Variants in ULK2 observed in about 807,000 individuals in gnomAD.
ULK2 encodes serine/threonine-protein kinase ULK2.
ULK2 carries 76 observed loss-of-function variants against 127.5 expected under a neutral mutation model. That is an observed-to-expected ratio of 0.60 (90% CI 0.50 to 0.72). ULK2 has a LOEUF of 0.72. Ranked by LOEUF, ULK2 falls within the 30% of genes least tolerant of loss-of-function variation. The pLI is 0.00. For synonymous variants in ULK2, 452 were observed against 461.9 expected, an observed-to-expected ratio of 0.98 and a Z score of 0.28; for missense variants, 1,144 against 1,295.9, an observed-to-expected ratio of 0.88 and a Z score of 1.80.
chr17:19,867,686 T>A lies in ULK2; in HGVS notation c.-269A>T, dbSNP rs1489317202. ...CCGCTGGCTGTCTGGCGAAGCGGCC[T>A]CGGCGCTGCCGGGCCAGGGGTGCCG... On this transcript the variant is annotated 5_prime_UTR_variant, in exon 1 of 27. Transcript: ENST00000395544. 4.8e-6 allele frequency: 1 copy of A among 208,356 alleles called. No homozygotes were observed. Among genetic ancestry groups the A allele is most frequent in the African/African-American group, 2.3e-5 (1 of 42,832 alleles). The allele number at this position is 208,356 out of a possible 1,614,324, so 12.9% of individuals were successfully genotyped here. A position where few individuals can be genotyped will look rare whatever the true frequency, so the allele number is the denominator to read the frequency against.
rs1404951676 is a variant in ULK2 at position 19,776,136 on chromosome 17, A to C, written c.*213T>G. The C allele has an allele frequency of 2.0e-6, 1 of 506,662 alleles. No individual in the cohort carries two copies. Among genetic ancestry groups the C allele is most frequent in the African/African-American group, 2.0e-5 (1 of 49,706 alleles). The allele number at this position is 506,662 out of a possible 1,614,324, so 31.4% of individuals were successfully genotyped here. On this transcript the variant is annotated 3_prime_UTR_variant, in exon 27 of 27. Transcript: ENST00000395544. ...ACTCTTGCTCCTGCTTCTACAAAGA[A>C]AAAGGGAAAGGGTGATTTTCTCCAA...
intron 3 of ULK2, among the ~76,000 whole-genome samples, chr17:19,850,012 G>A (rs1049083313): frequency 3.9e-5 from 6 of 152,238 alleles, no homozygotes; most frequent in African/African-American, 1.4e-4. Context: ...TTTGTTTACA[G>A]AAATAACTAG....
intron 15 of ULK2, 90 bp downstream of exon 15, chr17:19,804,603 G>A (rs2087473072): frequency 1.4e-6 from 2 of 1,404,862 alleles, no homozygotes; most frequent in Non-Finnish European, 1.9e-6. Context: ...AAGACACTAT[G>A]CCACAGAAAG....
chr17:19,851,538 G>T (rs1490936189), intron 3 of ULK2, among the ~76,000 whole-genome samples: 1 of 151,564 alleles, frequency 6.6e-6, no homozygotes, highest in Non-Finnish European at 1.5e-5. Flanking sequence ...TACTCCAAAG[G>T]CTGAGGCATG....
At chr17:19,850,387 A>C (rs1420351770) in intron 3 of ULK2, among the ~76,000 whole-genome samples, 5 of 152,202 alleles carry the variant, frequency 3.3e-5, no homozygotes, top group Non-Finnish European at 5.9e-5. Flanking sequence ...AGTCTCTCAA[A>C]TCCATATAGC....
chr17:19,813,980 T>C (rs554816209), intron 13 of ULK2, among the ~76,000 whole-genome samples: 2 of 152,208 alleles, frequency 1.3e-5, no homozygotes, highest in African/African-American at 4.8e-5. Context: ...GGGCCAAGAA[T>C]AGCCAGAGTG....
intron 13 of ULK2, among the ~76,000 whole-genome samples, chr17:19,814,621 TG>T (rs1463499933): frequency 6.6e-6 from 1 of 151,562 alleles, no homozygotes; most frequent in Non-Finnish European, 1.5e-5. Flanking sequence ...CATGATGCCC[TG>T]GCTGGTCTTG....
At chr17:19,849,700 G>T (rs753816860) in intron 4 of ULK2, 42 bp downstream of exon 4, 739 of 1,011,450 alleles carry the variant, frequency 7.3e-4, no homozygotes, top group Non-Finnish European at 9.1e-4. Context: ...AAAAAAAAAA[G>T]AAATTTGAAA....
At chr17:19,784,729 T>C (rs1183661348) in intron 21 of ULK2, among the ~76,000 whole-genome samples, 2 of 151,972 alleles carry the variant, frequency 1.3e-5, no homozygotes, top group Non-Finnish European at 2.9e-5. Context: ...TTTCACCATG[T>C]TGCCCAGGCT....
chr17:19,840,714 T>TA (rs373676849), intron 9 of ULK2, among the ~76,000 whole-genome samples: 241 of 121,130 alleles, frequency 2.0e-3, no homozygotes, highest in East Asian at 0.017. Flanking sequence ...CCGTGTCCAC[T>TA]AAAAAAAAAA....
At chr17:19,812,820 TA>T (rs2087672216) in intron 13 of ULK2, among the ~76,000 whole-genome samples, 1 of 152,328 alleles carries the variant, frequency 6.6e-6, no homozygotes, top group East Asian at 1.9e-4. Context: ...TAATACAACG[TA>T]TTTTTTTATA....
At chr17:19,849,531 T>C (rs1374434631) in intron 4 of ULK2, 126 bp from the exon 5 acceptor site, 5 of 1,053,536 alleles carry the variant, frequency 4.7e-6, no homozygotes, top group Non-Finnish European at 4.1e-6. Flanking sequence ...AAAAACATTA[T>C]AGATTCAAAA....
chr17:19,837,919 AC>A (rs1176356537), intron 10 of ULK2, among the ~76,000 whole-genome samples: 2 of 152,074 alleles, frequency 1.3e-5, no homozygotes, highest in African/African-American at 4.8e-5. Context: ...TAGTCACATC[AC>A]TTTTCTTCCA....
intron 20 of ULK2, among the ~76,000 whole-genome samples, chr17:19,794,951 C>A (rs980170601): frequency 6.6e-6 from 1 of 151,522 alleles, no homozygotes; most frequent in Non-Finnish European, 1.5e-5. Flanking sequence ...TAGTGGCGGG[C>A]GCCTATAGTC....
In ULK2 at chr17:19,786,003, A is replaced by T. The variant is rs758205552; in HGVS notation, c.2185T>A (p.Ser729Thr). The T allele has an allele frequency of 2.5e-6, 4 of 1,584,740 alleles. No individual in the cohort carries two copies. The highest frequency in any genetic ancestry group is 3.4e-6 in the Non-Finnish European group (4 of 1,169,938). ...SSKAVLFTVG[S>T]PPHSAAAPTC... ...GGGGCTGCCGCACTGTGTGGAGGAGACCCTACAGTGAAGAGGACAGCCTTG... is the reference window on the plus strand; with the variant it reads ...GGGGCTGCCGCACTGTGTGGAGGAGTCCCTACAGTGAAGAGGACAGCCTTG... The change falls in exon 21 of 27, where the codon TCT (serine) becomes ACT (threonine). Residue 729 changes from serine (S) to threonine (T), a missense_variant. This residue lies in a region of ULK2 where 913 missense variants were observed against 970.5 expected (regional missense o/e 0.94). Transcript: ENST00000395544.
intron 3 of ULK2, chr17:19,856,187 T>A (rs776764125): frequency 7.2e-5 from 11 of 152,140 alleles, no homozygotes; most frequent in Non-Finnish European, 1.5e-4. Context: ...AGAGTCAACC[T>A]CTGTTCTGAT....
chr17:19,862,496 C>G (rs1040747533), intron 3 of ULK2, among the ~76,000 whole-genome samples: 4 of 149,064 alleles, frequency 2.7e-5, no homozygotes, highest in Admixed American at 6.7e-5. Context: ...GATGGAGTTT[C>G]GCTCGTTACC....
chr17:19,795,580 C>G (rs962428764), intron 20 of ULK2, 42 bp downstream of exon 20: 9 of 1,525,934 alleles, frequency 5.9e-6, no homozygotes, highest in African/African-American at 2.7e-5. Context: ...AATGCATATG[C>G]TAGCAAATTA....
Position 19,867,446 on chromosome 17 carries a change from G to C in ULK2, c.-29C>G, listed in dbSNP as rs373948426. The stretch of plus-strand genomic sequence containing the variant: ...CGCGCCCCCGGGGCACACAGCGGAC[G>C]GGCGGGCGGCGCAGTGCGGCGCAGG... On this transcript the variant is annotated 5_prime_UTR_variant, in exon 1 of 27. Transcript: ENST00000395544. The C allele has an allele frequency of 8.2e-6, 13 of 1,576,512 alleles. No homozygotes were observed. Among genetic ancestry groups the C allele is most frequent in the African/African-American group, 1.4e-5 (1 of 70,932 alleles).
Sources: allele counts gnomAD v4.1 joint callset (sites outside exome capture counted in the v4.1 genomes callset), GRCh38; gene constraint gnomAD v4.1.1; regional missense constraint gnomAD v4.1.1; transcripts MANE v1.5; gene names NCBI Gene and HGNC (gene_info 2026-07-23, HGNC 2026-07-21).